USP7: variants seen among roughly 807,000 people sequenced by gnomAD.
The protein encoded by USP7 is ubiquitin C-terminal hydrolase 7.
In USP7, 9 loss-of-function variants were observed where a neutral mutation model predicts 162.9. That is an observed-to-expected ratio of 0.06 (90% CI 0.03 to 0.10). The LOEUF is 0.10. Ranked by LOEUF, USP7 falls within the 10% of genes least tolerant of loss-of-function variation. USP7 has a pLI of 1.00. For synonymous variants in USP7, 562 were observed against 475.9 expected (o/e 1.18, Z -2.35); for missense variants, 715 against 1,373.7 (o/e 0.52, Z 7.58).
At chr16:8,935,221 G>C (rs906278169) in intron 1 of USP7, among the ~76,000 whole-genome samples, 1 of 55,064 alleles carries the variant, frequency 1.8e-5, no homozygotes, top group Admixed American at 2.0e-4. Flanking sequence ...TTTTTTTTTT[G>C]AGACAGTCTC....
rs1216456943 is a variant in USP7, at chr16:8,963,725, C to T, written c.-440G>A. 7.1e-6 allele frequency among the ~76,000 whole-genome samples: 1 copy of T among 141,668 alleles called. No individual in the cohort carries two copies. The highest frequency in any genetic ancestry group is 1.6e-5 in the Non-Finnish European group (1 of 64,244). 92.9% of individuals were successfully genotyped at this position (141,668 alleles called of 152,430 possible). Reference sequence around the variant, plus strand: ...GCGGCGGACGGGAGGCCTGGCCGGCCGCGGCGGGCCTGCGGGCCCTGGGGC... The same window carrying T: ...GCGGCGGACGGGAGGCCTGGCCGGCTGCGGCGGGCCTGCGGGCCCTGGGGC... On this transcript the variant is annotated 5_prime_UTR_variant, in exon 1 of 31. Coordinates refer to ENST00000344836, the MANE Select transcript of USP7 (RefSeq NM_003470.3).
rs1257979321 is a variant in USP7, at chr16:8,893,185, C to T, written c.*813G>A. 2.6e-5 allele frequency: 4 copies of T among 152,170 alleles called. No individual in the cohort carries two copies. Among genetic ancestry groups the T allele is most frequent in the Non-Finnish European group, 5.9e-5 (4 of 68,034 alleles). 9.4% of individuals were successfully genotyped at this position (152,170 alleles called of 1,614,324 possible). On this transcript the variant is annotated 3_prime_UTR_variant, in exon 31 of 31. Transcript: ENST00000344836. The stretch of plus-strand genomic sequence containing the variant: ...TACTAACCACTAGTGAGCATGCCCT[C>T]TTGCTAAAAGGCTTTCTTGTCGTCT...
At chr16:8,906,682 A>G (rs1438890433) in intron 12 of USP7, 100 bp from the exon 13 acceptor site, 2 of 1,231,766 alleles carry the variant, frequency 1.6e-6, no homozygotes, top group African/African-American at 3.0e-5. Context: ...CTCATCTTTA[A>G]TAGGATAAGC....
At position 8,963,383 on chromosome 16, in the gene USP7, G is replaced by A. The variant is rs1900101910; in HGVS notation, c.-98C>T. 4.0e-6 allele frequency: 1 copy of A among 249,086 alleles called. No homozygotes were observed. 15.4% of individuals were successfully genotyped at this position (249,086 alleles called of 1,614,324 possible). ...CCGGGGCGGCGGCGGCGGCGGCGGC[G>A]GCGGGGCGGCCTCCTCCTCCTCCTC... On this transcript the variant is annotated 5_prime_UTR_variant, in exon 1 of 31. Coordinates refer to ENST00000344836, the MANE Select transcript of USP7 (RefSeq NM_003470.3).
intron 12 of USP7, among the ~76,000 whole-genome samples, chr16:8,907,900 C>G (rs908509888): frequency 3.9e-5 from 6 of 152,216 alleles, no homozygotes; most frequent in African/African-American, 1.4e-4. Context: ...CTTGAAAACT[C>G]TAGCACATTC....
rs1262966173 is a variant in USP7, at chr16:8,903,333, T to A, written c.1774A>T (p.Thr592Ser). Reference protein sequence around the residue: ...DMYDEEKVKYTVFKVLKNSSL... With the variant: ...DMYDEEKVKYSVFKVLKNSSL... ...GAGTTCTTCAATACTTTGAACACAGTGTATTTCACTTTTTCTTCATCGTAC... is the reference window on the plus strand; with the variant it reads ...GAGTTCTTCAATACTTTGAACACAGAGTATTTCACTTTTTCTTCATCGTAC... Residue 592 changes from threonine (T) to serine (S), a missense_variant, in exon 16 of 31, where the codon ACT becomes TCT. Physicochemically the swap from Thr to Ser is moderately conservative, Grantham distance 58. This residue lies in a region of USP7 where 197 missense variants were observed against 306.5 expected (regional missense o/e 0.64). Coordinates refer to ENST00000344836, the MANE Select transcript of USP7 (RefSeq NM_003470.3). 1.2e-6 allele frequency: 2 copies of A among 1,614,056 alleles called. No homozygotes were observed. The highest frequency in any genetic ancestry group is 1.7e-6 in the Non-Finnish European group (2 of 1,180,032).
In USP7 at chr16:8,918,519, T is replaced by C. The variant is rs140744809; in HGVS notation, c.720+512A>G. The stretch of plus-strand genomic sequence containing the variant: ...CTAACACAATTTTAAGTCTGCAAAA[T>C]TAGGTCATGGCTGGGCATGGTGGAT... On this transcript the variant is annotated intron_variant, in intron 6 of 30. Transcript: ENST00000344836. 7.6e-4 allele frequency among the ~76,000 whole-genome samples: 115 copies of C among 152,264 alleles called. No individual in the cohort carries two copies. In the South Asian group the frequency reaches 0.012, roughly 16 times the overall value.
chr16:8,910,786 C>A lies in USP7; in HGVS notation c.1120G>T (p.Asp374Tyr). ...FVDYVAVEQLDGDNKYDAGEH... is the reference protein window; with the variant it reads ...FVDYVAVEQLYGDNKYDAGEH... ...CCAGCGTCGTATTTATTGTCCCCATCGAGCTGTTCTACTGCCACATAATCC... is the reference window on the plus strand; with the variant it reads ...CCAGCGTCGTATTTATTGTCCCCATAGAGCTGTTCTACTGCCACATAATCC... Residue 374 changes from aspartate (D) to tyrosine (Y), a missense_variant, in exon 11 of 31, where the codon GAT (aspartate) becomes TAT (tyrosine). Coordinates refer to ENST00000344836, the MANE Select transcript of USP7 (RefSeq NM_003470.3). 1.2e-6 allele frequency: 2 copies of A among 1,614,136 alleles called. No homozygotes were observed. Among genetic ancestry groups the A allele is most frequent in the Non-Finnish European group, 1.7e-6 (2 of 1,180,016 alleles).
intron 1 of USP7, among the ~76,000 whole-genome samples, chr16:8,957,033 A>T (rs1899839776): frequency 6.6e-6 from 1 of 152,256 alleles, no homozygotes; most frequent in Middle Eastern, 3.4e-3. Context: ...TGAATTCTGG[A>T]AGCATCCCTG....
chr16:8,944,816 T>A (rs1053726112), intron 1 of USP7, among the ~76,000 whole-genome samples: 7 of 152,178 alleles, frequency 4.6e-5, no homozygotes, highest in Non-Finnish European at 8.8e-5. Context: ...TTTTGAAAAG[T>A]TCCTGGCGGC....
At chr16:8,899,855 G>A (rs1386654354) in intron 21 of USP7, 98 bp from the exon 22 acceptor site, 1 of 1,389,392 alleles carries the variant, frequency 7.2e-7, no homozygotes, top group Non-Finnish European at 1.0e-6. Flanking sequence ...GACACCAACA[G>A]GCTCTCTTGC....
chr16:8,920,226 G>A, intron 5 of USP7, 133 bp downstream of exon 5: 1 of 730,996 alleles, frequency 1.4e-6, no homozygotes, highest in Non-Finnish European at 2.3e-6. Flanking sequence ...GTGTGACTCT[G>A]TGTGCCACAG....
Position 8,898,540 on chromosome 16 carries a change from G to A in USP7, c.2631C>T (p.Tyr877=), listed in dbSNP as rs562033737. The A allele has an allele frequency of 4.3e-6, 7 of 1,609,638 alleles. No homozygotes were observed. In the African/African-American group the frequency reaches 8.0e-5, roughly 18 times the overall value. Residue 877 remains tyrosine, a synonymous_variant, in exon 24 of 31, where the codon TAC becomes TAT. Coordinates refer to ENST00000344836, the MANE Select transcript of USP7 (RefSeq NM_003470.3). The part of the protein sequence containing the change: ...FFKPRQPKKL[Y]YQQLKMKITD... ...TAATTTGGACTCATACCTGCTGATA[G>A]TAAAGTTTCTTAGGTTGTCTAGGCT...
chr16:8,959,050 C>G (rs979122588), intron 1 of USP7, among the ~76,000 whole-genome samples: 1 of 152,154 alleles, frequency 6.6e-6, no homozygotes, highest in Non-Finnish European at 1.5e-5. Flanking sequence ...AAAGCCCTAC[C>G]ACCAAGGCAA....
chr16:8,950,553 TG>T (rs995571354), intron 1 of USP7, among the ~76,000 whole-genome samples: 1 of 152,202 alleles, frequency 6.6e-6, no homozygotes, highest in Admixed American at 6.5e-5. Context: ...TTTGATCACT[TG>T]GGCTGGGACA....
At chr16:8,909,194 TC>T (rs1352555522) in intron 11 of USP7, among the ~76,000 whole-genome samples, 1 of 152,206 alleles carries the variant, frequency 6.6e-6, no homozygotes, top group African/African-American at 2.4e-5. Context: ...CTCAGTAAAA[TC>T]AGGCTTTGCC....
intron 16 of USP7, 148 bp from the exon 17 acceptor site, chr16:8,902,630 C>T: frequency 1.4e-6 from 1 of 713,818 alleles, no homozygotes; most frequent in Non-Finnish European, 2.1e-6. Context: ...TGGCTCTCGC[C>T]TGTAATCCCA....
intron 1 of USP7, among the ~76,000 whole-genome samples, chr16:8,956,827 G>A (rs1309802521): frequency 4.0e-5 from 6 of 151,702 alleles, no homozygotes; most frequent in African/African-American, 1.5e-4. Flanking sequence ...GCACAGGATA[G>A]TAAGAGCCCA....
chr16:8,928,943 G>C (rs1898167056), intron 2 of USP7, among the ~76,000 whole-genome samples: 1 of 151,334 alleles, frequency 6.6e-6, no homozygotes, highest in Non-Finnish European at 1.5e-5. Flanking sequence ...GGGCATCCTG[G>C]AATGCACAGG....
Sources: gnomAD v4.1 joint callset for allele counts (sites outside exome capture counted in the v4.1 genomes callset) on GRCh38, gnomAD v4.1.1 for gene constraint, gnomAD v4.1.1 regional missense constraint, MANE v1.5 for transcripts, NCBI Gene and HGNC (gene_info 2026-07-23, HGNC 2026-07-21) for gene names.